PDE4D: variants seen among roughly 807,000 people sequenced by gnomAD.
PDE4D encodes the protein phosphodiesterase 4D.
In PDE4D, 24 loss-of-function variants were observed where a neutral mutation model predicts 87.4. The observed-to-expected ratio is 0.27, with a 90% CI of 0.20 to 0.39. The LOEUF (loss-of-function observed/expected upper bound fraction) is 0.39, where lower values mean the gene tolerates loss of function less well. Ranked by LOEUF, PDE4D falls within the 10% of genes least tolerant of loss-of-function variation. The probability of loss-of-function intolerance (pLI) is 1.00; values close to 1 mark genes in which losing one functional copy is unlikely to be tolerated. For synonymous variants in PDE4D, 384 were observed against 383.2 expected (o/e 1.00, Z -0.02); for missense variants, 714 against 1,041.0 (o/e 0.69, Z 4.32).
chr5:60,084,417 T>C (rs1038455314), intron 2 of PDE4D, among the ~76,000 whole-genome samples: 2 of 151,724 alleles, frequency 1.3e-5, no homozygotes, highest in African/African-American at 2.4e-5. Flanking sequence ...CGCGCGCGCG[T>C]GTGCGCATGC....
chr5:59,600,930 A>G (rs375112098), intron 1 of PDE4D, among the ~76,000 whole-genome samples: 79 of 152,180 alleles, frequency 5.2e-4, no homozygotes, highest in Non-Finnish European at 9.7e-4. Context: ...TAATATTACA[A>G]TGTATTACCA....
chr5:59,465,966 T>C (rs1231990935), intron 1 of PDE4D, among the ~76,000 whole-genome samples: 1 of 152,212 alleles, frequency 6.6e-6, no homozygotes, highest in Non-Finnish European at 1.5e-5. Context: ...CTGTTTTGTT[T>C]TGTTTTTTTA....
At chr5:60,416,976 G>T (rs921612857) in intron 1 of PDE4D, among the ~76,000 whole-genome samples, 2 of 152,154 alleles carry the variant, frequency 1.3e-5, no homozygotes, top group African/African-American at 4.8e-5. Context: ...CACACTGTGC[G>T]ATTCCATCTA....
intron 1 of PDE4D, among the ~76,000 whole-genome samples, chr5:60,224,125 A>C (rs1478072226): frequency 1.3e-5 from 2 of 152,102 alleles, no homozygotes; most frequent in Non-Finnish European, 2.9e-5. Flanking sequence ...TTCCTGTTCA[A>C]ACTTAAAAAA....
chr5:59,756,323 G>A (rs1761208960), intron 1 of PDE4D, among the ~76,000 whole-genome samples: 1 of 151,868 alleles, frequency 6.6e-6, no homozygotes, highest in South Asian at 2.1e-4. Flanking sequence ...AATTTCCCAA[G>A]AATCATAGAT....
intron 1 of PDE4D, among the ~76,000 whole-genome samples, chr5:60,369,578 G>A (rs908238993): frequency 2.6e-5 from 4 of 152,102 alleles, no homozygotes; most frequent in Non-Finnish European, 2.9e-5. Context: ...AACCTCATGA[G>A]CCAGGCCCAG....
In PDE4D at chr5:59,768,282, G is replaced by T. The variant is rs957516992; in HGVS notation, c.455+124886C>A. ...CCACCGTGAAACGCCGCTGTTTGGGGATGTTGCTGCTGAGAAGCATTCTGC... is the reference window on the plus strand; with the variant it reads ...CCACCGTGAAACGCCGCTGTTTGGGTATGTTGCTGCTGAGAAGCATTCTGC... On this transcript the variant is annotated intron_variant, in intron 1 of 14. Coordinates refer to ENST00000340635, the MANE Select transcript of PDE4D (RefSeq NM_001104631.2). 7 of 1,598,110 alleles carry T rather than the reference G, an allele frequency of 4.4e-6. No individual in the cohort carries two copies. The African/African-American group carries it at 9.4e-5, about 21-fold the overall frequency.
At chr5:60,128,101 T>C (rs922255932) in intron 2 of PDE4D, among the ~76,000 whole-genome samples, 12 of 152,230 alleles carry the variant, frequency 7.9e-5, no homozygotes, top group Non-Finnish European at 1.3e-4. Flanking sequence ...TACCTAGAAG[T>C]TGGAAAAGAT....
At chr5:60,390,053 T>G (rs1280774367) in intron 1 of PDE4D, among the ~76,000 whole-genome samples, 2 of 152,206 alleles carry the variant, frequency 1.3e-5, no homozygotes, top group Non-Finnish European at 2.9e-5. Context: ...TATTTCCCAC[T>G]TCCCGGGGCA....
chr5:59,626,854 A>G lies in PDE4D; in HGVS notation c.455+266314T>C, dbSNP rs190536694. ...AGACCTTGCAAATATATATGCTTCTATTGCTTCCTATGCCTCAAACATAAA... is the reference window on the plus strand; with the variant it reads ...AGACCTTGCAAATATATATGCTTCTGTTGCTTCCTATGCCTCAAACATAAA... On this transcript the variant is annotated intron_variant, in intron 1 of 14. Transcript: ENST00000340635. Among the ~76,000 whole-genome samples, 255 of 152,276 alleles carry G rather than the reference A, an allele frequency of 1.7e-3. 1 individual carries two copies. The highest frequency in any genetic ancestry group is 4.8e-3 in the African/African-American group (201 of 41,570).
At chr5:60,193,953 G>C (rs905396087) in intron 1 of PDE4D, among the ~76,000 whole-genome samples, 4 of 151,218 alleles carry the variant, frequency 2.6e-5, no homozygotes, top group Non-Finnish European at 4.4e-5. Context: ...CTCCTCCTAT[G>C]AGGAGTCCTG....
At chr5:59,411,876 C>A (rs143979312) in intron 1 of PDE4D, among the ~76,000 whole-genome samples, 20 of 152,326 alleles carry the variant, frequency 1.3e-4, no homozygotes, top group African/African-American at 4.8e-4. Flanking sequence ...TATCCTTTTA[C>A]TTAATGACGC....
intron 2 of PDE4D, among the ~76,000 whole-genome samples, chr5:60,027,171 C>T (rs1205437613): frequency 6.6e-6 from 1 of 152,080 alleles, no homozygotes; most frequent in Non-Finnish European, 1.5e-5. Flanking sequence ...GAACCTGTCA[C>T]CTAAATAGTG....
Position 59,065,377 on chromosome 5 carries a change from T to C in PDE4D, c.809-26406A>G, listed in dbSNP as rs902037893. ...GGTCAAGGGTTACAAAGTTTTAGTCTTGCAAAATAAGTTCTGGAAAGCTGC... is the reference window on the plus strand; with the variant it reads ...GGTCAAGGGTTACAAAGTTTTAGTCCTGCAAAATAAGTTCTGGAAAGCTGC... On this transcript the variant is annotated intron_variant, in intron 5 of 14. Coordinates refer to ENST00000340635, the MANE Select transcript of PDE4D (RefSeq NM_001104631.2). Among the ~76,000 whole-genome samples, 6 of 152,220 alleles carry C rather than the reference T, an allele frequency of 3.9e-5. 1 individual carries two copies. The South Asian group carries it at 1.2e-3, about 32-fold the overall frequency.
chr5:59,978,976 A>G (rs1428859287), intron 3 of PDE4D, among the ~76,000 whole-genome samples: 2 of 152,146 alleles, frequency 1.3e-5, no homozygotes, highest in Non-Finnish European at 2.9e-5. Context: ...TCTTAGAGAC[A>G]ATGCTATTAC....
chr5:60,272,573 C>G lies in PDE4D; in HGVS notation c.-89-86886G>C, dbSNP rs552622297. On this transcript the variant is annotated intron_variant, in intron 1 of 16. Transcript: ENST00000502484. ...CAACATGAAGGCAGTTTATTCTTCTCCAACCTAGTGCTGATTAGGTATAGA... is the reference window on the plus strand; with the variant it reads ...CAACATGAAGGCAGTTTATTCTTCTGCAACCTAGTGCTGATTAGGTATAGA... Among the ~76,000 whole-genome samples the G allele has an allele frequency of 9.8e-4, 149 of 152,260 alleles. 1 individual carries two copies. Among genetic ancestry groups the G allele is most frequent in the African/African-American group, 3.6e-3 (148 of 41,528 alleles).
intron 1 of PDE4D, among the ~76,000 whole-genome samples, chr5:59,438,207 G>A (rs1460989114): frequency 6.6e-6 from 1 of 152,148 alleles, no homozygotes; most frequent in Non-Finnish European, 1.5e-5. Context: ...AGATATGGGT[G>A]GGTACACAGC....
intron 2 of PDE4D, among the ~76,000 whole-genome samples, chr5:60,022,329 C>T (rs190206049): frequency 3.0e-3 from 461 of 152,250 alleles, no homozygotes; most frequent in Non-Finnish European, 4.7e-3. Context: ...ACAATAAAGT[C>T]ACCATATTTA....
intron 2 of PDE4D, among the ~76,000 whole-genome samples, chr5:59,213,799 G>C (rs1200718370): frequency 1.3e-5 from 2 of 151,964 alleles, no homozygotes; most frequent in East Asian, 3.9e-4. Flanking sequence ...TGGTCCTCTG[G>C]ACTGTTATTT....
Sources: allele counts gnomAD v4.1 joint callset (sites outside exome capture counted in the v4.1 genomes callset), GRCh38; gene constraint gnomAD v4.1.1; transcripts MANE v1.5; gene names NCBI Gene and HGNC (gene_info 2026-07-23, HGNC 2026-07-21).